The following FAM149A variants were observed in gnomAD, a reference collection of about 807,000 sequenced individuals.
FAM149A encodes protein FAM149A.
A neutral mutation model predicts 78.2 loss-of-function variants in FAM149A; 71 were observed. That is an observed-to-expected ratio of 0.91 (90% confidence interval 0.75 to 1.11). The LOEUF (loss-of-function observed/expected upper bound fraction) is 1.11. FAM149A is among the 50% of genes least tolerant of loss of function. The pLI, the probability that FAM149A is intolerant of heterozygous loss-of-function variation, is 0.00. For synonymous variants in FAM149A, 446 were observed against 410.5 expected, an observed-to-expected ratio of 1.09 and a Z score of -1.04; for missense variants, 1,036 against 971.0, an observed-to-expected ratio of 1.07 and a Z score of -0.89.
intron 1 of FAM149A, among the ~76,000 whole-genome samples, chr4:186,121,644 G>T (rs7665411): frequency 0.32 from 48,746 of 151,948 alleles, 8,204 homozygotes; most frequent in Admixed American, 0.38. Flanking sequence ...ATATTCTGAC[G>T]CACACAAACT....
chr4:186,134,990 C>T (rs370610140), intron 1 of FAM149A, among the ~76,000 whole-genome samples: 16 of 152,280 alleles, frequency 1.1e-4, no homozygotes, highest in African/African-American at 2.9e-4. Flanking sequence ...TGAATCAGGG[C>T]GGTGGCTCTC....
intron 3 of FAM149A, chr4:186,150,842 C>T (rs1354498778): frequency 1.3e-5 from 2 of 154,672 alleles, no homozygotes; most frequent in African/African-American, 4.8e-5. Context: ...CTGTCTCAGC[C>T]TCCCGAGTAG....
At chr4:186,122,456 G>C (rs1409036481) in intron 1 of FAM149A, among the ~76,000 whole-genome samples, 4 of 152,160 alleles carry the variant, frequency 2.6e-5, no homozygotes, top group Non-Finnish European at 4.4e-5. Flanking sequence ...ATAACAGTTT[G>C]AGGATTATGT....
chr4:186,116,513 T>C, intron 1 of FAM149A: 1 of 985,398 alleles, frequency 1.0e-6, no homozygotes, highest in Non-Finnish European at 1.2e-6. Context: ...AGTATTTGCT[T>C]ATACCCGAGA....
At chr4:186,156,278 AGAACG>A (rs745898966) in intron 7 of FAM149A, 88 bp downstream of exon 7, 14 of 1,069,586 alleles carry the variant, frequency 1.3e-5, no homozygotes, top group Non-Finnish European at 1.8e-5. Flanking sequence ...GGCCAGACCT[AGAACG>A]TGACCAGTGA....
intron 10 of FAM149A, 31 bp from the exon 11 acceptor site, chr4:186,165,313 G>C (rs1240991233): frequency 4.3e-6 from 7 of 1,613,600 alleles, no homozygotes. Context: ...CCATGTACCT[G>C]GGTGCTCAGT....
intron 1 of FAM149A, among the ~76,000 whole-genome samples, chr4:186,130,314 T>TATATATATATATATAA (rs141900902): frequency 0.017 from 1,964 of 116,220 alleles, 56 homozygotes; most frequent in Admixed American, 0.027. Context: ...TATATATATA[T>TATATATATATATATAA]AATCTATATC....
chr4:186,129,139 GTGTC>G (rs931331514), intron 1 of FAM149A, among the ~76,000 whole-genome samples: 7 of 108,562 alleles, frequency 6.4e-5, no homozygotes, highest in African/African-American at 1.9e-4. Context: ...GTGCCTCTGT[GTGTC>G]TGTGTGTGTC....
At chr4:186,136,975 TTTC>T in intron 1 of FAM149A, among the ~76,000 whole-genome samples, 1 of 57,660 alleles carries the variant, frequency 1.7e-5, no homozygotes, top group Admixed American at 2.2e-4. Flanking sequence ...TCTCTCTCTC[TTTC>T]TCTCTCTCTC....
At chr4:186,146,701 A>C (rs1436936357) in intron 1 of FAM149A, 1 of 833,776 alleles carries the variant, frequency 1.2e-6, no homozygotes, top group African/African-American at 1.8e-5. Flanking sequence ...GGTGAAAACC[A>C]TTTGGGGGAA....
rs1243885352 is a variant in FAM149A, at chr4:186,154,399, A to T, written c.1059-69A>T. The T allele has an allele frequency of 3.0e-6, 4 of 1,312,766 alleles. No homozygotes were observed. The East Asian group carries it at 9.5e-5, about 31-fold the overall frequency. 81.3% of individuals were successfully genotyped at this position (1,312,766 alleles called of 1,614,324 possible). A position where few individuals can be genotyped will look rare whatever the true frequency, so the allele number is the denominator to read the frequency against. The stretch of plus-strand genomic sequence containing the variant: ...TTTACAGATAATTGAAAGATCCGCC[A>T]TGATCGTTTAAGCATTGCGTTCTTG... On this transcript the variant is annotated intron_variant, in intron 5 of 13. Coordinates refer to ENST00000389354, the MANE Select transcript of FAM149A (RefSeq NM_001367768.3).
intron 1 of FAM149A, among the ~76,000 whole-genome samples, chr4:186,130,875 C>T (rs1213283859): frequency 6.6e-6 from 1 of 152,154 alleles, no homozygotes; most frequent in Non-Finnish European, 1.5e-5. Context: ...TGTTTGGTTG[C>T]TGCAAAGTTG....
At chr4:186,160,452 AAC>A (rs1195462745) in intron 8 of FAM149A, among the ~76,000 whole-genome samples, 1 of 141,274 alleles carries the variant, frequency 7.1e-6, no homozygotes, top group Non-Finnish European at 1.5e-5. Context: ...ATCCCACACA[AAC>A]ACACCACACA....
intron 1 of FAM149A, chr4:186,122,643 C>T (rs1182322123): frequency 6.5e-6 from 1 of 154,714 alleles, no homozygotes; most frequent in Non-Finnish European, 1.4e-5. Flanking sequence ...ATAAATCTTT[C>T]AACTCTTCCA....
At chr4:186,158,284 C>A in intron 8 of FAM149A, 1 of 1,224,964 alleles carries the variant, frequency 8.2e-7, no homozygotes, top group Non-Finnish European at 1.0e-6. Context: ...ACCAGCCTCT[C>A]AGAGAGGCGT....
At chr4:186,153,317 C>T in intron 4 of FAM149A, 1 of 925,704 alleles carries the variant, frequency 1.1e-6, no homozygotes, top group South Asian at 4.9e-5. Flanking sequence ...TCTTTGTGCC[C>T]AGTGTTGCCT....
chr4:186,153,220 T>C (rs1733751078), intron 4 of FAM149A: 2 of 973,128 alleles, frequency 2.1e-6, no homozygotes, highest in Non-Finnish European at 2.4e-6. Context: ...GATTGTCAGG[T>C]ACATAAGCCA....
chr4:186,127,048 GACAGTTACTTC>G, intron 1 of FAM149A: 1 of 985,352 alleles, frequency 1.0e-6, no homozygotes, highest in Non-Finnish European at 1.2e-6. Context: ...TTGCGGGCAG[GACAGTTACTTC>G]ACAGGCAGAA....
intron 1 of FAM149A, among the ~76,000 whole-genome samples, chr4:186,136,789 G>A (rs2099322891): frequency 6.6e-6 from 1 of 152,158 alleles, no homozygotes; most frequent in Admixed American, 6.6e-5. Context: ...CAGGTGGGGT[G>A]CTCAACAAGC....
Sources: gnomAD v4.1 joint callset for allele counts (sites outside exome capture counted in the v4.1 genomes callset) on GRCh38, gnomAD v4.1.1 for gene constraint, MANE v1.5 for transcripts, NCBI Gene and HGNC (gene_info 2026-07-23, HGNC 2026-07-21) for gene names.